The following MSRA variants were observed in gnomAD, a reference collection of about 807,000 sequenced individuals.
MSRA encodes methionine sulfoxide reductase A, also known as mitochondrial peptide methionine sulfoxide reductase.
A neutral mutation model predicts 31.3 loss-of-function variants in MSRA; 54 were observed. The observed-to-expected ratio is 1.73, with a 90% CI of 1.39 to 2.17. The LOEUF is 2.17. MSRA is among the 30% of genes most tolerant of loss of function. The pLI, the probability that MSRA is intolerant of heterozygous loss-of-function variation, is 0.00. For synonymous variants in MSRA, 169 were observed against 116.5 expected, an observed-to-expected ratio of 1.45 and a Z score of -2.90; for missense variants, 507 against 300.9, an observed-to-expected ratio of 1.69 and a Z score of -5.07.
chr8:10,370,963 G>C (rs1258667046), intron 5 of MSRA, among the ~76,000 whole-genome samples: 2 of 152,296 alleles, frequency 1.3e-5, no homozygotes, highest in East Asian at 3.9e-4. Context: ...GAGAAGACGT[G>C]TCTGAAGTGT....
intron 1 of MSRA, among the ~76,000 whole-genome samples, chr8:10,060,603 C>G (rs1802658598): frequency 6.6e-6 from 1 of 151,234 alleles, no homozygotes; most frequent in Middle Eastern, 3.2e-3. Flanking sequence ...TCTAATTGAC[C>G]ACCTTTCTGT....
At chr8:10,391,851 C>T (rs988756487) in intron 5 of MSRA, among the ~76,000 whole-genome samples, 19 of 152,164 alleles carry the variant, frequency 1.2e-4, no homozygotes, top group African/African-American at 4.6e-4. Context: ...TTTTAAATAC[C>T]GCATTTCACT....
chr8:10,192,107 A>G (rs1005659275), intron 1 of MSRA, among the ~76,000 whole-genome samples: 1 of 152,130 alleles, frequency 6.6e-6, no homozygotes, highest in African/African-American at 2.4e-5. Flanking sequence ...GGTTTCCCCC[A>G]CAGCAAGCCA....
intron 1 of MSRA, among the ~76,000 whole-genome samples, chr8:10,093,550 C>G (rs1344182685): frequency 1.3e-5 from 2 of 152,092 alleles, no homozygotes; most frequent in African/African-American, 2.4e-5. Flanking sequence ...CAGTTCTATG[C>G]TTTTGTCATT....
intron 5 of MSRA, among the ~76,000 whole-genome samples, chr8:10,341,645 G>C (rs1449386455): frequency 6.6e-6 from 1 of 152,154 alleles, no homozygotes; most frequent in South Asian, 2.1e-4. Context: ...GACAAACTTA[G>C]GTACCTGTTT....
At chr8:10,280,706 A>G (rs1243610913) in intron 3 of MSRA, among the ~76,000 whole-genome samples, 1 of 152,254 alleles carries the variant, frequency 6.6e-6, no homozygotes, top group Non-Finnish European at 1.5e-5. Flanking sequence ...TGTCCATACA[A>G]AAGCCTGTAC....
intron 5 of MSRA, among the ~76,000 whole-genome samples, chr8:10,402,580 C>G (rs1002511701): frequency 6.6e-6 from 1 of 152,220 alleles, no homozygotes; most frequent in African/African-American, 2.4e-5. Context: ...CACTCTATAG[C>G]ACGCATTTCC....
chr8:10,242,456 G>A (rs1224319203), intron 2 of MSRA, among the ~76,000 whole-genome samples: 1 of 152,172 alleles, frequency 6.6e-6, no homozygotes. Flanking sequence ...ACACAGGGAG[G>A]CATGTCTAGG....
chr8:10,167,270 C>G (rs1027621257), intron 1 of MSRA, among the ~76,000 whole-genome samples: 3 of 152,154 alleles, frequency 2.0e-5, no homozygotes, highest in African/African-American at 7.2e-5. Context: ...AGATTGGTGT[C>G]CAAAGGCAGC....
chr8:10,198,395 A>G (rs1422684990), intron 1 of MSRA, among the ~76,000 whole-genome samples: 1 of 152,064 alleles, frequency 6.6e-6, no homozygotes, highest in Non-Finnish European at 1.5e-5. Context: ...GGAAAAAAGT[A>G]CTCATGGTCA....
chr8:10,377,444 T>A (rs1034446238), intron 5 of MSRA, among the ~76,000 whole-genome samples: 1 of 152,266 alleles, frequency 6.6e-6, no homozygotes, highest in African/African-American at 2.4e-5. Context: ...TAGTAATTAC[T>A]GACTCTGCTA....
At chr8:10,333,144 A>G (rs1227931771) in intron 5 of MSRA, among the ~76,000 whole-genome samples, 3 of 152,204 alleles carry the variant, frequency 2.0e-5, no homozygotes, top group African/African-American at 7.2e-5. Flanking sequence ...ATCCTGGCCA[A>G]CATAGGGTGA....
intron 1 of MSRA, among the ~76,000 whole-genome samples, chr8:10,155,981 G>C (rs1318959812): frequency 6.6e-6 from 1 of 152,162 alleles, no homozygotes; most frequent in Admixed American, 6.5e-5. Flanking sequence ...TTGCAATGTA[G>C]AGATTGGCCG....
intron 1 of MSRA, among the ~76,000 whole-genome samples, chr8:10,080,233 C>T (rs140834880): frequency 0.018 from 2,771 of 152,228 alleles, 31 homozygotes; most frequent in Non-Finnish European, 0.021. Flanking sequence ...ATTATGAATC[C>T]ATATCCCTGC....
At chr8:10,357,281 T>G (rs1270149893) in intron 5 of MSRA, among the ~76,000 whole-genome samples, 1 of 152,220 alleles carries the variant, frequency 6.6e-6, no homozygotes, top group East Asian at 1.9e-4. Flanking sequence ...AAGAAGGAGC[T>G]TCCATGTCAT....
chr8:10,120,950 A>G (rs1330665964), intron 1 of MSRA, among the ~76,000 whole-genome samples: 1 of 152,220 alleles, frequency 6.6e-6, no homozygotes, highest in Non-Finnish European at 1.5e-5. Context: ...AAATTTATAC[A>G]ATTTAATTAC....
At chr8:10,397,378 A>G (rs990504511) in intron 5 of MSRA, among the ~76,000 whole-genome samples, 3 of 152,246 alleles carry the variant, frequency 2.0e-5, no homozygotes, top group African/African-American at 7.2e-5. Context: ...GAAAGCAGCC[A>G]GAGAATGAAC....
chr8:10,307,772 T>C (rs146632124), intron 4 of MSRA, among the ~76,000 whole-genome samples: 18 of 152,326 alleles, frequency 1.2e-4, no homozygotes, highest in Middle Eastern at 3.4e-3. Context: ...GCAGTGGCCT[T>C]TGCAGAGGCC....
At chr8:10,177,482 C>A (rs976887225) in intron 1 of MSRA, among the ~76,000 whole-genome samples, 13 of 151,902 alleles carry the variant, frequency 8.6e-5, no homozygotes, top group African/African-American at 3.1e-4. Context: ...AGCGAGCTGG[C>A]TTCATGAGTG....
Sources: allele counts gnomAD v4.1 joint callset (sites outside exome capture counted in the v4.1 genomes callset), GRCh38; gene constraint gnomAD v4.1.1; transcripts MANE v1.5; gene names NCBI Gene and HGNC (gene_info 2026-07-23, HGNC 2026-07-21).